Variants in ACSBG1 observed in about 807,000 individuals in gnomAD.
ACSBG1 encodes the protein acyl-CoA synthetase bubblegum family member 1.
Under a neutral mutation model 80.2 loss-of-function variants are expected in ACSBG1, and 39 were observed. The ratio of observed to expected loss-of-function variants is 0.49; its 90% CI spans 0.38 to 0.64. The LOEUF (loss-of-function observed/expected upper bound fraction) is 0.64. ACSBG1 is among the 30% of genes least tolerant of loss of function. The probability of loss-of-function intolerance (pLI) is 0.00; values close to 1 mark genes in which losing one functional copy is unlikely to be tolerated. For synonymous variants in ACSBG1, 392 were observed against 379.5 expected (o/e 1.03, Z -0.38); for missense variants, 828 against 966.4 (o/e 0.86, Z 1.90).
chr15:78,217,061 C>G (rs1484727688), intron 1 of ACSBG1, among the ~76,000 whole-genome samples: 1 of 152,234 alleles, frequency 6.6e-6, no homozygotes, highest in African/African-American at 2.4e-5. Context: ...CATTTTCTAT[C>G]TGTGACTGGT....
chr15:78,180,975 G>C, intron 8 of ACSBG1, 39 bp from the exon 9 acceptor site: 5 of 1,593,788 alleles, frequency 3.1e-6, no homozygotes, highest in Non-Finnish European at 4.3e-6. Flanking sequence ...TGGGTCAGGG[G>C]CATCTGGGGC....
intron 2 of ACSBG1, 65 bp downstream of exon 2, chr15:78,207,928 ACCCACCCCT>A: frequency 2.6e-6 from 1 of 383,788 alleles, no homozygotes; most frequent in Non-Finnish European, 5.2e-6. Flanking sequence ...CCCCCACACC[ACCCACCCCT>A]CCAGCACACC....
Position 78,193,583 on chromosome 15 carries a change from A to G in ACSBG1, c.586T>C (p.Cys196Arg). 1 of 1,613,890 alleles carries G rather than the reference A, an allele frequency of 6.2e-7. No individual in the cohort carries two copies. The highest frequency in any genetic ancestry group is 8.5e-7 in the Non-Finnish European group (1 of 1,179,830). The stretch of plus-strand genomic sequence containing the variant: ...CAGCAGTCATAAGCGATGTACTGGC[A>G]GGCCTCTGGGGAGCTGGTGGTGTAG... Reference protein sequence around the residue: ...GIYTTSSPEACQYIAYDCCAN... With the variant: ...GIYTTSSPEARQYIAYDCCAN... Residue 196 changes from cysteine to arginine, a missense_variant, in exon 5 of 14, where the codon TGC (cysteine) becomes CGC (arginine). Cys to Arg is a radical substitution (Grantham distance 180, BLOSUM62 -3). This residue lies in a region of ACSBG1 where 356 missense variants were observed against 363.5 expected (regional missense o/e 0.98). Transcript: ENST00000258873.
chr15:78,220,810 A>C (rs60624923), intron 1 of ACSBG1, among the ~76,000 whole-genome samples: 3,810 of 152,350 alleles, frequency 0.025, 169 homozygotes, highest in African/African-American at 0.087. Context: ...TAAGAAAATA[A>C]GAACAGTGTT....
intron 1 of ACSBG1, among the ~76,000 whole-genome samples, chr15:78,215,716 GAA>G (rs1210030520): frequency 7.8e-6 from 1 of 128,166 alleles, no homozygotes; most frequent in Non-Finnish European, 1.6e-5. Context: ...AAGAGAGAAA[GAA>G]AGAAAGAGAA....
chr15:78,180,558 G>T (rs2074931455), intron 9 of ACSBG1, among the ~76,000 whole-genome samples, 197 bp downstream of exon 9: 1 of 152,154 alleles, frequency 6.6e-6, no homozygotes, highest in African/African-American at 2.4e-5. Context: ...TCCAAAGGTG[G>T]AGCGACTGTC....
At chr15:78,214,421 T>C (rs1595899853) in intron 1 of ACSBG1, among the ~76,000 whole-genome samples, 1 of 152,140 alleles carries the variant, frequency 6.6e-6, no homozygotes, top group Non-Finnish European at 1.5e-5. Context: ...TAGTGTTAGG[T>C]GGAAATTTTA....
intron 1 of ACSBG1, among the ~76,000 whole-genome samples, chr15:78,220,650 G>A (rs1214811728): frequency 3.3e-5 from 5 of 152,128 alleles, no homozygotes; most frequent in African/African-American, 1.2e-4. Context: ...AGTTAAAACT[G>A]AGCAAAGGAT....
At chr15:78,205,995 C>G (rs973451802) in intron 2 of ACSBG1, among the ~76,000 whole-genome samples, 1 of 152,202 alleles carries the variant, frequency 6.6e-6, no homozygotes, top group Non-Finnish European at 1.5e-5. Flanking sequence ...CTGGAACTCA[C>G]CCACGCTGTA....
rs1467504430 is a variant in ACSBG1 at position 78,180,948 on chromosome 15, A to G, written c.1072-12T>C. 8.7e-6 allele frequency: 14 copies of G among 1,611,426 alleles called. No individual in the cohort carries two copies. Among genetic ancestry groups the G allele is most frequent in the Admixed American group, 1.7e-5 (1 of 59,938 alleles). On this transcript the variant is annotated splice_polypyrimidine_tract_variant and intron_variant, in intron 8 of 13. Coordinates refer to ENST00000258873, the MANE Select transcript of ACSBG1 (RefSeq NM_015162.5). Reference sequence around the variant, plus strand: ...TTCACCAGGCTCCCCTGTTCACACCAGAAGAGGCAGGCCTGTTGGGTCAGG... The same window carrying G: ...TTCACCAGGCTCCCCTGTTCACACCGGAAGAGGCAGGCCTGTTGGGTCAGG...
rs1301329039 is a variant in ACSBG1, at chr15:78,209,427, TG to T, written c.132-1326del. On this transcript the variant is annotated intron_variant, in intron 1 of 13. Coordinates refer to ENST00000258873, the MANE Select transcript of ACSBG1 (RefSeq NM_015162.5). Reference sequence around the variant, plus strand: ...ATGGCGACCCACTCCAGGGAGGTTGTGGAAAAACTGAAGAGATGGCAACGTG... The same window carrying T: ...ATGGCGACCCACTCCAGGGAGGTTGTGAAAAACTGAAGAGATGGCAACGTG... Among the ~76,000 whole-genome samples the T allele has an allele frequency of 1.3e-4, 20 of 152,180 alleles. No homozygotes were observed. In the South Asian group the frequency reaches 4.2e-3, roughly 32 times the overall value.
At chr15:78,222,895 A>T (rs759141558) in intron 1 of ACSBG1, among the ~76,000 whole-genome samples, 5 of 152,210 alleles carry the variant, frequency 3.3e-5, no homozygotes, top group Non-Finnish European at 7.3e-5. Flanking sequence ...AAAGAATGAC[A>T]TTTTTATTTA....
At chr15:78,229,847 C>T (rs1433166114) in intron 1 of ACSBG1, among the ~76,000 whole-genome samples, 1 of 152,198 alleles carries the variant, frequency 6.6e-6, no homozygotes, top group Non-Finnish European at 1.5e-5. Context: ...CTTCTTTGAG[C>T]CTGGCTGCCC....
In ACSBG1 at chr15:78,182,746, A is replaced by G. The variant is rs748863823; in HGVS notation, c.703T>C (p.Tyr235His). The G allele has an allele frequency of 8.1e-6, 13 of 1,614,118 alleles. No homozygotes were observed. The African/African-American group carries it at 1.1e-4, about 13-fold the overall frequency. The stretch of plus-strand genomic sequence containing the variant: ...ATCTTGTTTGGAGGAGGTTCTTTAT[A>G]TATCACGACTGCCTTTAGATGTGGC... ...QLPHLKAVVI[Y>H]KEPPPNKMAN... Residue 235 changes from tyrosine to histidine, a missense_variant, in exon 6 of 14, where the codon TAT becomes CAT. By Grantham distance (83) the Tyr-to-His change is moderately conservative. Around this residue, in one of 3 missense-constraint regions of ACSBG1, gnomAD observed 356 missense variants for 363.5 expected, o/e 0.98. Transcript: ENST00000258873.
At chr15:78,222,035 C>T (rs934251415) in intron 1 of ACSBG1, among the ~76,000 whole-genome samples, 2 of 152,150 alleles carry the variant, frequency 1.3e-5, no homozygotes, top group Non-Finnish European at 2.9e-5. Context: ...TCTCTTTTCC[C>T]CACACAACCC....
At chr15:78,215,604 C>T (rs2075300903) in intron 1 of ACSBG1, among the ~76,000 whole-genome samples, 1 of 150,622 alleles carries the variant, frequency 6.6e-6, no homozygotes, top group African/African-American at 2.4e-5. Context: ...TCCAGTGAGC[C>T]GAGATTGTGC....
intron 1 of ACSBG1, chr15:78,209,021 G>GCA (rs2075244078): frequency 2.5e-6 from 1 of 397,828 alleles, no homozygotes; most frequent in African/African-American, 2.1e-5. Context: ...TGTGCAGCAT[G>GCA]CAACCTGTGC....
intron 2 of ACSBG1, among the ~76,000 whole-genome samples, chr15:78,198,547 CA>C (rs1336178412): frequency 7.2e-6 from 1 of 138,186 alleles, no homozygotes; most frequent in Admixed American, 7.3e-5. Context: ...GGCGTTTCGC[CA>C]TGTTGGCCAG....
At chr15:78,226,741 G>A (rs1477182595) in intron 1 of ACSBG1, 1 of 108,234 alleles carries the variant, frequency 9.2e-6, no homozygotes, top group East Asian at 3.1e-4. Context: ...TTTTGATAAA[G>A]GAGCCAAGCA....
Sources: gnomAD v4.1 joint callset for allele counts (sites outside exome capture counted in the v4.1 genomes callset) on GRCh38, gnomAD v4.1.1 for gene constraint, gnomAD v4.1.1 regional missense constraint, MANE v1.5 for transcripts, NCBI Gene and HGNC (gene_info 2026-07-23, HGNC 2026-07-21) for gene names.